Variants in TTC23 observed in about 807,000 individuals in gnomAD.
The protein encoded by TTC23 is tetratricopeptide repeat protein 23.
TTC23 carries 58 observed loss-of-function variants against 55.1 expected under a neutral mutation model. The ratio of observed to expected loss-of-function variants is 1.05; its 90% CI spans 0.85 to 1.31. TTC23 has a LOEUF of 1.31. Among genes scored for constraint, TTC23 ranks in the 50% most tolerant of loss-of-function variants. The pLI is 0.00. For synonymous variants in TTC23, 203 were observed against 199.9 expected (o/e 1.02, Z -0.13); for missense variants, 516 against 534.4 (o/e 0.97, Z 0.34).
At chr15:99,139,095 A>G (rs2067904196) in intron 13 of TTC23, 1 of 645,060 alleles carries the variant, frequency 1.6e-6, no homozygotes, top group Admixed American at 2.2e-5. Context: ...GACAACATCC[A>G]GCATATATTT....
intron 9 of TTC23, among the ~76,000 whole-genome samples, chr15:99,187,462 A>AAAAAAAAAAAAAAAAAG (rs1230105824): frequency 8.3e-5 from 11 of 132,536 alleles, no homozygotes; most frequent in Non-Finnish European, 1.8e-4. Flanking sequence ...CAAAAAAAAA[A>AAAAAAAAAAAAAAAAAG]AAAAAACAAA....
intron 8 of TTC23, among the ~76,000 whole-genome samples, chr15:99,214,628 C>T (rs2077313201): frequency 6.6e-6 from 1 of 151,846 alleles, no homozygotes; most frequent in Non-Finnish European, 1.5e-5. Flanking sequence ...GGGGTCTCCC[C>T]ATCTTGCCTA....
intron 4 of TTC23, among the ~76,000 whole-genome samples, chr15:99,233,042 CA>C (rs1332397213): frequency 6.6e-6 from 1 of 152,140 alleles, no homozygotes; most frequent in African/African-American, 2.4e-5. Flanking sequence ...CACAGAAAGA[CA>C]AATACTGAAT....
In TTC23 at chr15:99,196,421, A is replaced by G. The variant is rs376467506; in HGVS notation, c.759+3498T>C. Among the ~76,000 whole-genome samples the G allele has an allele frequency of 5.6e-4, 86 of 152,310 alleles. 3 individuals are homozygous for G. The South Asian group carries it at 0.014, about 25-fold the overall frequency. On this transcript the variant is annotated intron_variant, in intron 9 of 13. Coordinates refer to ENST00000394132, the MANE Select transcript of TTC23 (RefSeq NM_001288615.3). ...ATTTACCCCTGGAAATAATTCAAGA[A>G]ACTACAAAAGGTTTTTGTATAAGAA...
At chr15:99,223,438 C>A (rs1481741491) in intron 5 of TTC23, among the ~76,000 whole-genome samples, 1 of 152,132 alleles carries the variant, frequency 6.6e-6, no homozygotes, top group East Asian at 1.9e-4. Flanking sequence ...GGAGAAATGA[C>A]CATGTGAGAA....
At chr15:99,165,355 T>C (rs2071927654) in intron 10 of TTC23, among the ~76,000 whole-genome samples, 1 of 152,248 alleles carries the variant, frequency 6.6e-6, no homozygotes, top group Non-Finnish European at 1.5e-5. Context: ...ATCCTGGGTC[T>C]TAAGAAATGA....
intron 9 of TTC23, 115 bp from the exon 10 acceptor site, chr15:99,175,270 G>T: frequency 1.2e-6 from 1 of 801,250 alleles, no homozygotes; most frequent in Non-Finnish European, 2.0e-6. Context: ...CAAGCTAGAA[G>T]AAATGATTTA....
chr15:99,147,549 A>G (rs1302601972), intron 12 of TTC23, among the ~76,000 whole-genome samples: 1 of 152,180 alleles, frequency 6.6e-6, no homozygotes, highest in Non-Finnish European at 1.5e-5. Context: ...TAACCAAAAT[A>G]AGAATGAATG....
At position 99,147,743 on chromosome 15, in the gene TTC23, G is replaced by T. The variant is rs551421850; in HGVS notation, c.1144-8344C>A. On this transcript the variant is annotated intron_variant, in intron 12 of 13. Coordinates refer to ENST00000394132, the MANE Select transcript of TTC23 (RefSeq NM_001288615.3). ...AGGTGGGCTGTTGCAGTCCAACAATGGGTTAGTCAAAGATGATTATAAAAA... is the reference window on the plus strand; with the variant it reads ...AGGTGGGCTGTTGCAGTCCAACAATTGGTTAGTCAAAGATGATTATAAAAA... Among the ~76,000 whole-genome samples, 6 of 150,532 alleles carry T rather than the reference G, an allele frequency of 4.0e-5. No homozygotes were observed. In the South Asian group the frequency reaches 1.0e-3, roughly 26 times the overall value.
chr15:99,206,614 T>C (rs968467664), intron 8 of TTC23, among the ~76,000 whole-genome samples: 15 of 152,330 alleles, frequency 9.8e-5, no homozygotes, highest in African/African-American at 3.6e-4. Flanking sequence ...TTGCTCATAA[T>C]AGTCTCTAAT....
chr15:99,145,055 TGGG>T, intron 12 of TTC23: 1 of 152,356 alleles, frequency 6.6e-6, no homozygotes, highest in East Asian at 1.9e-4. Context: ...ATGACTAACT[TGGG>T]GGAATTGAAG....
chr15:99,141,275 A>C (rs1402876688), intron 12 of TTC23, among the ~76,000 whole-genome samples: 1 of 152,184 alleles, frequency 6.6e-6, no homozygotes, highest in Non-Finnish European at 1.5e-5. Flanking sequence ...ACATAGATGA[A>C]TCTCATGATT....
chr15:99,232,158 A>G (rs2078985539), intron 4 of TTC23, among the ~76,000 whole-genome samples: 1 of 151,872 alleles, frequency 6.6e-6, no homozygotes, highest in African/African-American at 2.4e-5. Context: ...TAAAAATAGA[A>G]AAAAGCTTAT....
intron 9 of TTC23, among the ~76,000 whole-genome samples, chr15:99,192,395 T>C (rs982106049): frequency 6.6e-6 from 1 of 152,152 alleles, no homozygotes; most frequent in African/African-American, 2.4e-5. Context: ...AGGGTCCCCA[T>C]GCTGTGTGCA....
chr15:99,238,077 T>C (rs1422148380), intron 3 of TTC23, among the ~76,000 whole-genome samples: 2 of 152,164 alleles, frequency 1.3e-5, no homozygotes, highest in Non-Finnish European at 2.9e-5. Flanking sequence ...GCGATTCTCC[T>C]GCCTCCGCCT....
At chr15:99,191,863 C>G (rs1308358098) in intron 9 of TTC23, among the ~76,000 whole-genome samples, 2 of 152,208 alleles carry the variant, frequency 1.3e-5, no homozygotes, top group East Asian at 3.8e-4. Flanking sequence ...AAGTTTGGAA[C>G]TTCCTAGATA....
intron 9 of TTC23, among the ~76,000 whole-genome samples, chr15:99,177,141 T>C (rs2073654892): frequency 6.6e-6 from 1 of 152,236 alleles, no homozygotes; most frequent in South Asian, 2.1e-4. Context: ...ACTGTCACCT[T>C]ACTTGTCACA....
chr15:99,174,504 A>G (rs1234193686), intron 10 of TTC23, among the ~76,000 whole-genome samples: 3 of 152,236 alleles, frequency 2.0e-5, no homozygotes, highest in Non-Finnish European at 4.4e-5. Flanking sequence ...TTTTCTGCCA[A>G]CGGAGGCACA....
intron 9 of TTC23, among the ~76,000 whole-genome samples, chr15:99,193,939 G>A (rs1407714831): frequency 6.6e-6 from 1 of 151,940 alleles, no homozygotes; most frequent in Non-Finnish European, 1.5e-5. Context: ...AACCTGGGAG[G>A]TGGAGGTTGC....
Sources: gnomAD v4.1 joint callset for allele counts (sites outside exome capture counted in the v4.1 genomes callset) on GRCh38, gnomAD v4.1.1 for gene constraint, MANE v1.5 for transcripts, NCBI Gene and HGNC (gene_info 2026-07-23, HGNC 2026-07-21) for gene names.